KIF21A: variants seen among roughly 807,000 people sequenced by gnomAD.
KIF21A encodes the protein kinesin-like protein KIF21A.
KIF21A carries 114 observed loss-of-function variants against 202.9 expected under a neutral mutation model. The observed-to-expected ratio is 0.56, with a 90% CI of 0.48 to 0.66. The LOEUF (loss-of-function observed/expected upper bound fraction) is 0.66, where lower values mean the gene tolerates loss of function less well. Ranked by LOEUF, KIF21A falls within the 30% of genes least tolerant of loss-of-function variation. The pLI is 0.00. For synonymous variants in KIF21A, 667 were observed against 670.8 expected, an observed-to-expected ratio of 0.99 and a Z score of 0.09; for missense variants, 1,677 against 1,994.9, an observed-to-expected ratio of 0.84 and a Z score of 3.04.
At chr12:39,416,653 A>G (rs993173514) in intron 1 of KIF21A, among the ~76,000 whole-genome samples, 1 of 133,244 alleles carries the variant, frequency 7.5e-6, no homozygotes, top group Admixed American at 7.3e-5. Context: ...ATGTACATAT[A>G]TATGTGTATA....
chr12:39,416,637 A>G (rs905143095), intron 1 of KIF21A, among the ~76,000 whole-genome samples: 2 of 142,050 alleles, frequency 1.4e-5, no homozygotes, highest in African/African-American at 5.4e-5. Context: ...ATGTGTATAT[A>G]TATATATGTA....
intron 1 of KIF21A, among the ~76,000 whole-genome samples, chr12:39,441,660 T>TAAAAAAAAAAAAAAAAAAAAAGAAAAA (rs56245570): frequency 2.6e-5 from 1 of 37,788 alleles, no homozygotes; most frequent in African/African-American, 1.0e-4. Flanking sequence ...CCCTGGGTGG[T>TAAAAAAAAAAAAAAAAAAAAAGAAAAA]AAAAAAAAAA....
rs1943126405 is a variant in KIF21A at position 39,303,150 on chromosome 12, ACAAAG to A, written c.4561-20_4561-16del. The A allele has an allele frequency of 6.2e-7, 1 of 1,613,188 alleles. No individual in the cohort carries two copies. Among genetic ancestry groups the A allele is most frequent in the African/African-American group, 1.3e-5 (1 of 74,932 alleles). On this transcript the variant is annotated splice_polypyrimidine_tract_variant and intron_variant, in intron 35 of 37. Transcript: ENST00000361418. ...ACATCAAACATCTAAAAAGGTAGAA[ACAAAG>A]CAGTTATCCTATTTAACTTGCAAAT...
chr12:39,302,221 A>G (rs1943029129), intron 36 of KIF21A, among the ~76,000 whole-genome samples: 1 of 152,200 alleles, frequency 6.6e-6, no homozygotes, highest in African/African-American at 2.4e-5. Context: ...TATATGCACA[A>G]TATAAAATTA....
At chr12:39,430,786 G>A (rs760866068) in intron 1 of KIF21A, among the ~76,000 whole-genome samples, 1 of 151,852 alleles carries the variant, frequency 6.6e-6, no homozygotes. Flanking sequence ...TTGAGGGTAG[G>A]GCCTTTGGGA....
At chr12:39,348,607 A>T (rs192727019) in intron 11 of KIF21A, among the ~76,000 whole-genome samples, 1 of 151,968 alleles carries the variant, frequency 6.6e-6, no homozygotes, top group African/African-American at 2.4e-5. Flanking sequence ...AGCCACTCCA[A>T]CCAAAAATCT....
At position 39,442,344 on chromosome 12, in the gene KIF21A, C is replaced by G. The variant is rs1191390636; in HGVS notation, c.44+583G>C. ...GCTAGATCTGTCTCCTCTACCCACACGCGGGGGCATGTCTAGATCCCCGTG... is the reference window on the plus strand; with the variant it reads ...GCTAGATCTGTCTCCTCTACCCACAGGCGGGGGCATGTCTAGATCCCCGTG... On this transcript the variant is annotated intron_variant, in intron 1 of 37. Transcript: ENST00000361418. This position sits in a 1 kb window ranked among gnomAD's most constrained non-coding sequence, Gnocchi z 5.0. Among the ~76,000 whole-genome samples, 1 of 152,134 alleles carries G rather than the reference C, an allele frequency of 6.6e-6. No homozygotes were observed. The highest frequency in any genetic ancestry group is 1.9e-4 in the East Asian group (1 of 5,178).
At chr12:39,436,934 C>T (rs1304030848) in intron 1 of KIF21A, among the ~76,000 whole-genome samples, 1 of 152,122 alleles carries the variant, frequency 6.6e-6, no homozygotes, top group African/African-American at 2.4e-5. Context: ...CAAACAAATA[C>T]TATCATCTGC....
At position 39,443,023 on chromosome 12, in the gene KIF21A, G is replaced by A; in HGVS notation, c.-53C>T. 6.7e-7 allele frequency: 1 copy of A among 1,493,834 alleles called. No homozygotes were observed. The allele number at this position is 1,493,834 out of a possible 1,614,324, so 92.5% of individuals were successfully genotyped here. ...TGGGCCTCGGCACCGCAGAGCTGAG[G>A]CGCCACTGGGGCCGCGGGACTCGGG... On this transcript the variant is annotated 5_prime_UTR_variant, in exon 1 of 38. Transcript: ENST00000361418.
At chr12:39,423,983 CAAAAAA>C (rs35526386) in intron 1 of KIF21A, among the ~76,000 whole-genome samples, 2 of 25,670 alleles carry the variant, frequency 7.8e-5, no homozygotes, top group African/African-American at 9.7e-5. Flanking sequence ...GACTCTGTCT[CAAAAAA>C]AAAAAAAAAA....
intron 1 of KIF21A, among the ~76,000 whole-genome samples, chr12:39,380,169 T>A (rs1373627486): frequency 2.0e-5 from 3 of 152,176 alleles, no homozygotes; most frequent in Non-Finnish European, 4.4e-5. Flanking sequence ...GGTTTCACCG[T>A]GTTGCCCAGG....
At chr12:39,355,235 A>C (rs1464448688) in intron 10 of KIF21A, among the ~76,000 whole-genome samples, 2 of 152,218 alleles carry the variant, frequency 1.3e-5, no homozygotes, top group Non-Finnish European at 2.9e-5. Flanking sequence ...AAGACTTTGA[A>C]GAAGGAAGAC....
chr12:39,439,456 A>G (rs557246398), intron 1 of KIF21A, among the ~76,000 whole-genome samples: 34 of 152,292 alleles, frequency 2.2e-4, no homozygotes, highest in African/African-American at 7.7e-4. Flanking sequence ...TATTACACTT[A>G]CAGTTCTAGT....
At chr12:39,416,813 GTGTATATATGTACATATATGTGTA>G (rs1953771016) in intron 1 of KIF21A, among the ~76,000 whole-genome samples, 2 of 98,692 alleles carry the variant, frequency 2.0e-5, no homozygotes, top group Admixed American at 1.0e-4. Context: ...ATATATATGT[GTGTATATATGTACATATATGTGTA>G]TATATAGATA....
chr12:39,437,264 A>C (rs1175072775), intron 1 of KIF21A, among the ~76,000 whole-genome samples: 1 of 152,210 alleles, frequency 6.6e-6, no homozygotes, highest in Admixed American at 6.5e-5. Flanking sequence ...ACCAATTAGC[A>C]GGTAAGATGG....
chr12:39,380,277 T>C (rs998190402), intron 1 of KIF21A, among the ~76,000 whole-genome samples: 2 of 152,202 alleles, frequency 1.3e-5, no homozygotes, highest in African/African-American at 4.8e-5. Flanking sequence ...CTAACAACGC[T>C]TTTTTAAAGC....
chr12:39,351,199 C>A (rs1592281340), intron 11 of KIF21A, among the ~76,000 whole-genome samples: 1 of 151,964 alleles, frequency 6.6e-6, no homozygotes, highest in Non-Finnish European at 1.5e-5. Flanking sequence ...GAAGAGAAAG[C>A]CCAGAACAGT....
chr12:39,357,456 G>A lies in KIF21A; in HGVS notation c.1216-19C>T. On this transcript the variant is annotated intron_variant, in intron 8 of 37. Transcript: ENST00000361418. ...TTTTACCCTAGTAAAGGAAAATAAT[G>A]TCCTTGTTGGTTGAGGAGCCTTAAA... 6.2e-7 allele frequency: 1 copy of A among 1,600,702 alleles called. No homozygotes were observed.
intron 1 of KIF21A, among the ~76,000 whole-genome samples, chr12:39,407,881 T>C (rs1952728588): frequency 6.7e-6 from 1 of 149,300 alleles, no homozygotes; most frequent in Admixed American, 6.7e-5. Context: ...ATAAAATCAG[T>C]AGCTAAATAT....
Sources: gnomAD v4.1 joint callset for allele counts (sites outside exome capture counted in the v4.1 genomes callset) on GRCh38, gnomAD v4.1.1 for gene constraint, Gnocchi (gnomAD v3.1) non-coding constraint, MANE v1.5 for transcripts, NCBI Gene and HGNC (gene_info 2026-07-23, HGNC 2026-07-21) for gene names.